The following RIMOC1 variants were observed in gnomAD, a reference collection of about 807,000 sequenced individuals.
RIMOC1 encodes RAB7A interacting MON1-CCZ1 complex subunit 1, also known as RAB7A-interacting MON1-CCZ1 complex subunit 1.
chr5:41,918,729 A>T, the RIMOC1 span: 2 of 985,346 alleles, frequency 2.0e-6, no homozygotes, highest in Non-Finnish European at 2.4e-6. Flanking sequence ...GCCAAACTTC[A>T]TTACTTTCCT....
chr5:41,909,719 G>A, the RIMOC1 span: 2 of 1,434,822 alleles, frequency 1.4e-6, no homozygotes, highest in African/African-American at 1.5e-5. Flanking sequence ...GTCATTGATA[G>A]ATATCTTTCT....
At chr5:41,917,817 T>G in the RIMOC1 span, 11 of 844,184 alleles carry the variant, frequency 1.3e-5, no homozygotes, top group Non-Finnish European at 1.6e-5. Flanking sequence ...TAATGAAAGA[T>G]CTCACAAAGG....
chr5:41,917,474 T>C, the RIMOC1 span: 2 of 1,332,878 alleles, frequency 1.5e-6, no homozygotes, highest in Non-Finnish European at 1.9e-6. Flanking sequence ...TATATATTAG[T>C]AAACCTATGA....
the RIMOC1 span, chr5:41,912,309 A>C: frequency 1.6e-6 from 1 of 609,188 alleles, no homozygotes; most frequent in African/African-American, 1.9e-5. Flanking sequence ...AGTAATAAGT[A>C]ATAAAGGGTT....
At chr5:41,904,400 A>G in the RIMOC1 span, 2 of 1,614,024 alleles carry the variant, frequency 1.2e-6, no homozygotes, top group Non-Finnish European at 1.7e-6. Flanking sequence ...TGGTGAGACG[A>G]GTGGAAGAGC....
At chr5:41,919,005 C>CTCT in the RIMOC1 span, 1 of 146,072 alleles carries the variant, frequency 6.8e-6, no homozygotes, top group African/African-American at 2.5e-5. Flanking sequence ...CTCTCTCTCT[C>CTCT]TTTTTTTTTT....
the RIMOC1 span, chr5:41,907,782 C>G: frequency 6.2e-7 from 1 of 1,609,818 alleles, no homozygotes; most frequent in Non-Finnish European, 8.5e-7. Flanking sequence ...AATTGAAACT[C>G]CTGTGTGGAG....
the RIMOC1 span, chr5:41,917,525 C>T: frequency 8.3e-7 from 1 of 1,202,528 alleles, no homozygotes; most frequent in African/African-American, 1.6e-5. Context: ...TTCAAACTCA[C>T]CTTAAAATAC....
At chr5:41,917,203 G>A in the RIMOC1 span, 6 of 1,613,614 alleles carry the variant, frequency 3.7e-6, no homozygotes, top group African/African-American at 1.3e-5. Context: ...TCTTGAAAAA[G>A]TATGTATCTG....
At chr5:41,921,349 G>C in the RIMOC1 span, 1 of 151,756 alleles carries the variant, frequency 6.6e-6, no homozygotes, top group African/African-American at 2.4e-5. Context: ...ACCTTACAGG[G>C]CTCCTTTTCT....
At chr5:41,916,579 T>C in the RIMOC1 span, 2 of 546,054 alleles carry the variant, frequency 3.7e-6, no homozygotes, top group Non-Finnish European at 4.7e-6. Context: ...ACTTTAGCTA[T>C]ATGAATTATC....
chr5:41,907,813 C>T, the RIMOC1 span: 1 of 1,607,762 alleles, frequency 6.2e-7, no homozygotes, highest in East Asian at 2.2e-5. Flanking sequence ...ATGTTCAAAT[C>T]CATCAAATCT....
At chr5:41,916,570 C>T in the RIMOC1 span, 1 of 605,132 alleles carries the variant, frequency 1.7e-6, no homozygotes, top group Non-Finnish European at 2.1e-6. Context: ...GGATACTTGA[C>T]TTTAGCTATA....
the RIMOC1 span, chr5:41,908,353 C>T: frequency 6.5e-6 from 1 of 152,932 alleles, no homozygotes; most frequent in Non-Finnish European, 1.5e-5. Flanking sequence ...TTCTGAAACA[C>T]TGCTGAGGCA....
At chr5:41,911,921 CTTTATACCATTGAA>C in the RIMOC1 span, 1 of 633,916 alleles carries the variant, frequency 1.6e-6, no homozygotes, top group Non-Finnish European at 2.8e-6. Flanking sequence ...GATGGTGGGT[CTTTATACCATTGAA>C]ATAGAATAGC....
the RIMOC1 span, chr5:41,907,670 G>T: frequency 2.3e-6 from 2 of 859,960 alleles, no homozygotes; most frequent in South Asian, 1.6e-5. Context: ...CATACATAAT[G>T]TGTTTTTTGT....
the RIMOC1 span, among the ~76,000 whole-genome samples, chr5:41,905,071 C>T: frequency 2.6e-5 from 4 of 152,174 alleles, no homozygotes; most frequent in Non-Finnish European, 5.9e-5. Context: ...ATTGCCTCAA[C>T]CTTCTGAATT....
the RIMOC1 span, chr5:41,920,985 A>G: frequency 6.6e-6 from 1 of 152,584 alleles, no homozygotes; most frequent in Non-Finnish European, 1.5e-5. Flanking sequence ...CTCTTTCCCA[A>G]TATGAATTTT....
At chr5:41,904,962 C>G in the RIMOC1 span, among the ~76,000 whole-genome samples, 1 of 152,180 alleles carries the variant, frequency 6.6e-6, no homozygotes, top group Non-Finnish European at 1.5e-5. Flanking sequence ...GTAGACTATT[C>G]TGCCCCATAC....
Sources: gnomAD v4.1 joint callset for allele counts (sites outside exome capture counted in the v4.1 genomes callset) on GRCh38, gnomAD v4.1.1 for gene constraint, MANE v1.5 for transcripts, NCBI Gene and HGNC (gene_info 2026-07-23, HGNC 2026-07-21) for gene names.